Variants in RIPOR3 observed in about 807,000 individuals in gnomAD.
RIPOR3 encodes the protein RIPOR family member 3, also known as family with sequence similarity 65 member C.
Under a neutral mutation model 114.3 loss-of-function variants are expected in RIPOR3, and 95 were observed. That is an observed-to-expected ratio of 0.83 (90% confidence interval 0.70 to 0.99). The LOEUF (loss-of-function observed/expected upper bound fraction) is 0.99. Ranked by LOEUF, RIPOR3 falls within the 50% of genes least tolerant of loss-of-function variation. The probability of loss-of-function intolerance (pLI) is 0.00; values close to 1 mark genes in which losing one functional copy is unlikely to be tolerated. For synonymous variants in RIPOR3, 575 were observed against 543.8 expected (o/e 1.06, Z -0.80); for missense variants, 1,252 against 1,266.9 (o/e 0.99, Z 0.18).
intron 1 of RIPOR3, among the ~76,000 whole-genome samples, chr20:50,656,431 C>T (rs1600699188): frequency 6.6e-6 from 1 of 152,090 alleles, no homozygotes; most frequent in Non-Finnish European, 1.5e-5. Context: ...GAAGGTTCAG[C>T]AACAATAAAT....
intron 2 of RIPOR3, among the ~76,000 whole-genome samples, chr20:50,628,749 G>C (rs561949348): frequency 6.6e-6 from 1 of 152,314 alleles, no homozygotes; most frequent in African/African-American, 2.4e-5. Context: ...GGCCAGAGTA[G>C]GTGCTCCGTG....
intron 3 of RIPOR3, among the ~76,000 whole-genome samples, chr20:50,617,505 A>C (rs1186791607): frequency 6.6e-6 from 1 of 151,370 alleles, no homozygotes. Context: ...CTGGTCTTGA[A>C]CTCCTAGGCT....
chr20:50,652,188 G>T (rs2085634901), intron 1 of RIPOR3, among the ~76,000 whole-genome samples: 1 of 152,196 alleles, frequency 6.6e-6, no homozygotes, highest in African/African-American at 2.4e-5. Context: ...CCAGGAAAAG[G>T]GTGGGTCCAG....
At chr20:50,679,603 A>AAG (rs1163915901) in intron 1 of RIPOR3, among the ~76,000 whole-genome samples, 1 of 146,564 alleles carries the variant, frequency 6.8e-6, no homozygotes, top group Admixed American at 6.8e-5. Context: ...TAAAAATACA[A>AAG]AAAAAAAAAA....
intron 8 of RIPOR3, 42 bp from the exon 9 acceptor site, chr20:50,608,997 C>A (rs764629978): frequency 6.4e-7 from 1 of 1,555,540 alleles, no homozygotes; most frequent in South Asian, 1.2e-5. Context: ...GCCTTCCACT[C>A]TCCCTGACCT....
chr20:50,663,201 C>T (rs1468235440), intron 1 of RIPOR3, among the ~76,000 whole-genome samples: 2 of 152,078 alleles, frequency 1.3e-5, no homozygotes, highest in Non-Finnish European at 2.9e-5. Flanking sequence ...GTGATTCTGC[C>T]TCCAAGGCCA....
intron 1 of RIPOR3, among the ~76,000 whole-genome samples, chr20:50,659,477 T>C (rs2085924168): frequency 6.6e-6 from 1 of 151,424 alleles, no homozygotes; most frequent in Non-Finnish European, 1.5e-5. Context: ...CAAAACCCCA[T>C]CTCTACTAAA....
intron 14 of RIPOR3, 166 bp downstream of exon 14, chr20:50,597,414 G>GGGGGATGTGC: frequency 9.8e-7 from 1 of 1,019,842 alleles, no homozygotes; most frequent in Non-Finnish European, 1.4e-6. Context: ...TGAGGCAAGT[G>GGGGGATGTGC]GGGGATGTGC....
chr20:50,595,529 G>T, intron 15 of RIPOR3, 25 bp from the exon 16 acceptor site: 1 of 1,612,058 alleles, frequency 6.2e-7, no homozygotes. Flanking sequence ...AGATGCTCCA[G>T]ATTAGCATGG....
At position 50,595,500 on chromosome 20, in the gene RIPOR3, A is replaced by G; in HGVS notation, c.1919T>C (p.Leu640Pro). 4.3e-6 allele frequency: 7 copies of G among 1,613,882 alleles called. No homozygotes were observed. Among genetic ancestry groups the G allele is most frequent in the Non-Finnish European group, 5.9e-6 (7 of 1,179,912 alleles). Residue 640 changes from leucine (L) to proline (P), a missense_variant, in exon 16 of 22, where the codon CTG becomes CCG. Leu to Pro is a moderately conservative substitution (Grantham distance 98, BLOSUM62 -3). Coordinates refer to ENST00000327979, the MANE Select transcript of RIPOR3 (RefSeq NM_001290268.2). ...CAGCCTTGATAAATTAGGGGAGGCC[A>G]GTTTCTGGGAAGCAGCCCAGATGCT... ...LQVCKALLQK[L>P]ASPNLSRLVQ...
At chr20:50,595,212 C>G in intron 16 of RIPOR3, 157 bp downstream of exon 16, 1 of 947,826 alleles carries the variant, frequency 1.1e-6, no homozygotes, top group Non-Finnish European at 1.6e-6. Flanking sequence ...TACCTCCCCA[C>G]AAAGAGTGTG....
At chr20:50,678,396 C>A (rs1180563473) in intron 1 of RIPOR3, among the ~76,000 whole-genome samples, 1 of 152,174 alleles carries the variant, frequency 6.6e-6, no homozygotes, top group Non-Finnish European at 1.5e-5. Flanking sequence ...AGGGCCTACC[C>A]CCACCTCCCA....
chr20:50,594,208 A>G (rs1484626865), intron 17 of RIPOR3, among the ~76,000 whole-genome samples: 5 of 149,514 alleles, frequency 3.3e-5, no homozygotes, highest in Admixed American at 6.7e-5. Context: ...CCCGGGAGGT[A>G]GAGGTTGCAG....
chr20:50,604,603 C>T (rs1315860099), intron 12 of RIPOR3, 42 bp downstream of exon 12: 1 of 1,572,360 alleles, frequency 6.4e-7, no homozygotes, highest in African/African-American at 1.4e-5. Context: ...GCCCCCATCC[C>T]AGGGTGACCA....
At chr20:50,629,452 G>A (rs2084739788) in intron 2 of RIPOR3, among the ~76,000 whole-genome samples, 2 of 152,182 alleles carry the variant, frequency 1.3e-5, no homozygotes, top group Non-Finnish European at 2.9e-5. Flanking sequence ...GGAGCGAGGG[G>A]GCAGCAGGCC....
At chr20:50,624,036 C>T (rs949240719) in intron 2 of RIPOR3, among the ~76,000 whole-genome samples, 5 of 152,188 alleles carry the variant, frequency 3.3e-5, no homozygotes, top group Non-Finnish European at 7.3e-5. Context: ...AGGGCTTCAC[C>T]TTGTTGGCCA....
chr20:50,608,833 A>G (rs2083830614), intron 9 of RIPOR3, 79 bp downstream of exon 9: 1 of 1,611,590 alleles, frequency 6.2e-7, no homozygotes, highest in Non-Finnish European at 8.5e-7. Context: ...CCCCAGCTGC[A>G]ACCCTGGTTC....
intron 1 of RIPOR3, among the ~76,000 whole-genome samples, chr20:50,652,142 G>A (rs2085632949): frequency 6.6e-6 from 1 of 152,192 alleles, no homozygotes; most frequent in African/African-American, 2.4e-5. Context: ...CTGAGGCCAA[G>A]GCCTTACACC....
At chr20:50,679,151 C>T (rs185642391) in intron 1 of RIPOR3, among the ~76,000 whole-genome samples, 11,796 of 43,484 alleles carry the variant, frequency 0.27, 920 homozygotes, top group East Asian at 0.43. Flanking sequence ...TATATATATA[C>T]ACACACACAC....
Sources: gnomAD v4.1 joint callset for allele counts (sites outside exome capture counted in the v4.1 genomes callset) on GRCh38, gnomAD v4.1.1 for gene constraint, MANE v1.5 for transcripts, NCBI Gene and HGNC (gene_info 2026-07-23, HGNC 2026-07-21) for gene names.